IQGAP2: variants seen among roughly 807,000 people sequenced by gnomAD.
IQGAP2 encodes the protein ras GTPase-activating-like protein IQGAP2.
Under a neutral mutation model 201.3 loss-of-function variants are expected in IQGAP2, and 173 were observed. The ratio of observed to expected loss-of-function variants is 0.86; its 90% CI spans 0.76 to 0.98. The LOEUF is 0.98. IQGAP2 is among the 50% of genes least tolerant of loss of function. The pLI, the probability that IQGAP2 is intolerant of heterozygous loss-of-function variation, is 0.00. For synonymous variants in IQGAP2, 675 were observed against 673.9 expected, an observed-to-expected ratio of 1.00 and a Z score of -0.03; for missense variants, 1,687 against 1,864.8, an observed-to-expected ratio of 0.90 and a Z score of 1.76.
intron 2 of IQGAP2, among the ~76,000 whole-genome samples, chr5:76,535,903 G>A (rs1759594739): frequency 6.6e-6 from 1 of 152,116 alleles, no homozygotes; most frequent in Admixed American, 6.6e-5. Flanking sequence ...GGTGAGTAGG[G>A]ATGGTGATGG....
chr5:76,499,208 A>G (rs370075421), intron 2 of IQGAP2, among the ~76,000 whole-genome samples: 5 of 152,110 alleles, frequency 3.3e-5, no homozygotes, highest in African/African-American at 9.7e-5. Flanking sequence ...CTCAAAATCT[A>G]TCTCAGGTAC....
At chr5:76,576,067 T>C (rs1170981099) in intron 5 of IQGAP2, among the ~76,000 whole-genome samples, 1 of 152,170 alleles carries the variant, frequency 6.6e-6, no homozygotes, top group African/African-American at 2.4e-5. Context: ...GAAATCCAAT[T>C]GTAATGTACT....
At chr5:76,489,667 T>C (rs925893286) in intron 2 of IQGAP2, among the ~76,000 whole-genome samples, 4 of 152,136 alleles carry the variant, frequency 2.6e-5, no homozygotes, top group Admixed American at 6.5e-5. Flanking sequence ...GGTTTCACCA[T>C]TGTTGGCCAG....
At chr5:76,613,898 T>G (rs6882116) in intron 13 of IQGAP2, among the ~76,000 whole-genome samples, 65,526 of 151,970 alleles carry the variant, frequency 0.43, 14,977 homozygotes, top group Non-Finnish European at 0.52. Flanking sequence ...TCACCATGTT[T>G]TCCAGGCTGG....
At chr5:76,577,508 T>C (rs186014648) in intron 5 of IQGAP2, among the ~76,000 whole-genome samples, 13 of 152,352 alleles carry the variant, frequency 8.5e-5, no homozygotes, top group Admixed American at 5.9e-4. Flanking sequence ...AAGTAGGATA[T>C]TTTATCTTCA....
At chr5:76,501,711 C>T (rs561995144) in intron 2 of IQGAP2, among the ~76,000 whole-genome samples, 25 of 132,966 alleles carry the variant, frequency 1.9e-4, no homozygotes, top group African/African-American at 6.5e-4. Flanking sequence ...GGCACGATCT[C>T]GGCTCACTGC....
intron 1 of IQGAP2, among the ~76,000 whole-genome samples, chr5:76,451,680 T>C (rs1441860047): frequency 2.0e-5 from 3 of 152,238 alleles, no homozygotes; most frequent in African/African-American, 4.8e-5. Context: ...TCCTTTGCAG[T>C]GGACCTGGTA....
At chr5:76,444,269 A>T (rs950120123) in intron 1 of IQGAP2, among the ~76,000 whole-genome samples, 7 of 152,116 alleles carry the variant, frequency 4.6e-5, no homozygotes, top group Non-Finnish European at 1.0e-4. Context: ...ATAGATGCTT[A>T]CATCAGTAAA....
At chr5:76,630,458 G>A (rs368655738) in intron 14 of IQGAP2, among the ~76,000 whole-genome samples, 112 of 152,204 alleles carry the variant, frequency 7.4e-4, no homozygotes, top group African/African-American at 2.3e-3. Context: ...GAGTTCCATC[G>A]AAAATGGTTC....
intron 2 of IQGAP2, among the ~76,000 whole-genome samples, chr5:76,478,261 C>T (rs1166407097): frequency 6.6e-6 from 1 of 151,994 alleles, no homozygotes; most frequent in Non-Finnish European, 1.5e-5. Context: ...ATTAGCCAGG[C>T]GTGGTGGTGC....
intron 10 of IQGAP2, among the ~76,000 whole-genome samples, chr5:76,598,888 G>T (rs1299305302): frequency 6.6e-6 from 1 of 152,036 alleles, no homozygotes; most frequent in African/African-American, 2.4e-5. Flanking sequence ...AAGAATGACT[G>T]GAAAAGATAT....
chr5:76,591,466 C>T (rs889748748), intron 8 of IQGAP2, among the ~76,000 whole-genome samples: 6 of 152,212 alleles, frequency 3.9e-5, no homozygotes, highest in African/African-American at 1.4e-4. Context: ...AGAGCTTCTA[C>T]TTCCTCACCA....
intron 2 of IQGAP2, among the ~76,000 whole-genome samples, chr5:76,509,529 C>G (rs1471893243): frequency 6.6e-6 from 1 of 151,906 alleles, no homozygotes; most frequent in East Asian, 1.9e-4. Context: ...CCCGAGTAGA[C>G]TACAGGTGCC....
rs1744556014 is a variant in IQGAP2 at position 76,673,668 on chromosome 5, G to A, written c.3209+79G>A. The A allele has an allele frequency of 2.9e-6, 4 of 1,400,010 alleles. No homozygotes were observed. The South Asian group carries it at 3.8e-5, about 13-fold the overall frequency. The allele number at this position is 1,400,010 out of a possible 1,614,324, so 86.7% of individuals were successfully genotyped here. ...ACGATGTAAAATAAGCCCCTGTAGT[G>A]AAGACAGCAGTTTTCCCTTATATTG... is the stretch of plus-strand genomic sequence containing the variant. On this transcript the variant is annotated intron_variant, in intron 25 of 35. Coordinates refer to ENST00000274364, the MANE Select transcript of IQGAP2 (RefSeq NM_006633.5).
At chr5:76,627,334 TC>T in intron 13 of IQGAP2, 75 bp from the exon 14 acceptor site, 1 of 940,596 alleles carries the variant, frequency 1.1e-6, no homozygotes, top group East Asian at 2.4e-5. Flanking sequence ...ATTAAATGGC[TC>T]CTCAAAAGCA....
At chr5:76,699,719 T>TTCTCTCTCTCTC (rs557554396) in intron 33 of IQGAP2, among the ~76,000 whole-genome samples, 2 of 20,464 alleles carry the variant, frequency 9.8e-5, no homozygotes, top group Admixed American at 4.3e-4. Flanking sequence ...TTCTCTCTGT[T>TTCTCTCTCTCTC]TCTCTCTCTC....
chr5:76,670,335 C>G (rs193013079), intron 23 of IQGAP2, among the ~76,000 whole-genome samples: 1 of 152,010 alleles, frequency 6.6e-6, no homozygotes, highest in Non-Finnish European at 1.5e-5. Flanking sequence ...ATGGTGAAAC[C>G]CCATTTCTAC....
chr5:76,610,108 A>ATTT (rs1561506279), intron 12 of IQGAP2, among the ~76,000 whole-genome samples: 1 of 14,494 alleles, frequency 6.9e-5, no homozygotes, highest in Non-Finnish European at 1.2e-4. Flanking sequence ...ATATATATAT[A>ATTT]TATATATTTT....
chr5:76,491,790 A>G (rs1027325161), intron 2 of IQGAP2, among the ~76,000 whole-genome samples: 12 of 152,068 alleles, frequency 7.9e-5, no homozygotes, highest in Non-Finnish European at 1.2e-4. Context: ...TCTCTGCCTA[A>G]TTTATATGTC....
Sources: gnomAD v4.1 joint callset for allele counts (sites outside exome capture counted in the v4.1 genomes callset) on GRCh38, gnomAD v4.1.1 for gene constraint, MANE v1.5 for transcripts, NCBI Gene and HGNC (gene_info 2026-07-23, HGNC 2026-07-21) for gene names.